The following RANBP3 variants were observed in gnomAD, a reference collection of about 807,000 sequenced individuals.
RANBP3 encodes ran-binding protein 3.
A neutral mutation model predicts 77.3 loss-of-function variants in RANBP3; 14 were observed. The observed-to-expected ratio is 0.18, with a 90% confidence interval of 0.12 to 0.28. The LOEUF (loss-of-function observed/expected upper bound fraction) is 0.28, where lower values mean the gene tolerates loss of function less well. Ranked by LOEUF, RANBP3 falls within the 10% of genes least tolerant of loss-of-function variation. RANBP3 has a pLI of 1.00. For missense variants in RANBP3, 586 were observed against 752.3 expected (o/e 0.78, Z 2.59); for synonymous variants, 315 against 312.4 (o/e 1.01, Z -0.09).
chr19:5,964,457 T>A (rs1310891459), intron 1 of RANBP3, among the ~76,000 whole-genome samples: 8 of 152,020 alleles, frequency 5.3e-5, no homozygotes, highest in African/African-American at 1.9e-4. Context: ...ATTCCACACA[T>A]CCCAGCACCC....
At chr19:5,929,729 T>C (rs767350921) in intron 8 of RANBP3, among the ~76,000 whole-genome samples, 1 of 152,160 alleles carries the variant, frequency 6.6e-6, no homozygotes. Flanking sequence ...GCCATGTTCA[T>C]GGGCGGCTTG....
At chr19:5,923,368 T>C (rs1418806317) in intron 12 of RANBP3, 65 bp from the exon 13 acceptor site, 37 of 1,497,232 alleles carry the variant, frequency 2.5e-5, no homozygotes, top group Non-Finnish European at 3.4e-5. Context: ...TCTCCCCTCA[T>C]CCGACAGGAG....
chr19:5,966,643 C>G (rs1275378503), intron 1 of RANBP3, among the ~76,000 whole-genome samples: 1 of 152,246 alleles, frequency 6.6e-6, no homozygotes, highest in Non-Finnish European at 1.5e-5. Context: ...ATGGCTGTCT[C>G]CAGCCTGTCA....
chr19:5,970,294 C>G (rs2058515169), intron 1 of RANBP3, among the ~76,000 whole-genome samples: 1 of 152,086 alleles, frequency 6.6e-6, no homozygotes, highest in Non-Finnish European at 1.5e-5. Flanking sequence ...GATTAGATGG[C>G]ACAAACCAGG....
intron 7 of RANBP3, 83 bp from the exon 8 acceptor site, chr19:5,931,614 C>T (rs1009178585): frequency 1.5e-4 from 227 of 1,471,502 alleles, no homozygotes; most frequent in African/African-American, 5.3e-4. Context: ...GGCTGGGCCA[C>T]GTCTAGTCTA....
chr19:5,937,850 A>C (rs2058086433), intron 5 of RANBP3, among the ~76,000 whole-genome samples: 1 of 152,180 alleles, frequency 6.6e-6, no homozygotes, highest in African/African-American at 2.4e-5. Flanking sequence ...AGCGATCATG[A>C]GATTTGTAAC....
At chr19:5,949,961 T>C (rs1194975462) in intron 3 of RANBP3, among the ~76,000 whole-genome samples, 1 of 152,218 alleles carries the variant, frequency 6.6e-6, no homozygotes, top group African/African-American at 2.4e-5. Flanking sequence ...GAGAGTCCTA[T>C]GTGGGCTGCA....
In RANBP3 at chr19:5,928,045, C is replaced by T. The variant is rs188627819; in HGVS notation, c.736G>A (p.Glu246Lys). Reference sequence around the variant, plus strand: ...GGGTCTTTTTTCTCACAGGCTTCCTCTTCAGAGGCATTGCTGGACTCATTT... The same window carrying T: ...GGGTCTTTTTTCTCACAGGCTTCCTTTTCAGAGGCATTGCTGGACTCATTT... ...QKNESSNASE[E>K]EACEKKDPAT... Residue 246 changes from glutamate (E) to lysine (K), a missense_variant, in exon 9 of 17, where the codon GAG becomes AAG. Coordinates refer to ENST00000340578, the MANE Select transcript of RANBP3 (RefSeq NM_007322.3). 3.1e-6 allele frequency: 5 copies of T among 1,613,938 alleles called. No individual in the cohort carries two copies. The highest frequency in any genetic ancestry group is 2.2e-5 in the East Asian group (1 of 44,878).
intron 3 of RANBP3, 138 bp from the exon 4 acceptor site, chr19:5,941,973 G>C: frequency 1.1e-6 from 1 of 943,568 alleles, no homozygotes; most frequent in South Asian, 1.4e-5. Context: ...ATGAGAGCCA[G>C]GATTTTAGCC....
At chr19:5,942,700 C>CA (rs11298054) in intron 3 of RANBP3, among the ~76,000 whole-genome samples, 13,240 of 90,750 alleles carry the variant, frequency 0.15, 1,007 homozygotes, top group Middle Eastern at 0.24. Flanking sequence ...GACTCTGTCT[C>CA]AAAAAAAAAA....
At chr19:5,920,658 C>T (rs964476911) in intron 14 of RANBP3, among the ~76,000 whole-genome samples, 1 of 152,178 alleles carries the variant, frequency 6.6e-6, no homozygotes, top group Non-Finnish European at 1.5e-5. Context: ...CGCAATTCTC[C>T]TGCCTCAGCC....
chr19:5,954,793 G>C (rs2058316330), intron 2 of RANBP3, among the ~76,000 whole-genome samples: 1 of 152,160 alleles, frequency 6.6e-6, no homozygotes. Flanking sequence ...CACTGCAGCT[G>C]CTCCCTGCAG....
chr19:5,946,048 T>G (rs1035006943), intron 3 of RANBP3, among the ~76,000 whole-genome samples: 1 of 152,040 alleles, frequency 6.6e-6, no homozygotes, highest in Non-Finnish European at 1.5e-5. Flanking sequence ...TTTCTGAACA[T>G]GTTGGCTGCT....
At chr19:5,937,821 G>A (rs1466218179) in intron 5 of RANBP3, among the ~76,000 whole-genome samples, 2 of 152,186 alleles carry the variant, frequency 1.3e-5, no homozygotes, top group Admixed American at 1.3e-4. Context: ...GAGGGAGGCC[G>A]TTGCTCACAG....
At chr19:5,919,200 G>A (rs2057785578) in intron 14 of RANBP3, among the ~76,000 whole-genome samples, 1 of 152,222 alleles carries the variant, frequency 6.6e-6, no homozygotes, top group South Asian at 2.1e-4. Context: ...GAGACGAGAG[G>A]ACTGTGGGCA....
At chr19:5,919,390 A>G (rs1041029200) in intron 14 of RANBP3, among the ~76,000 whole-genome samples, 1 of 152,166 alleles carries the variant, frequency 6.6e-6, no homozygotes, top group African/African-American at 2.4e-5. Flanking sequence ...GGCCCAGCGA[A>G]CAGACCTCCC....
In RANBP3 at chr19:5,923,919, A is replaced by G. The variant is rs762780511; in HGVS notation, c.997-5T>C. 2.8e-5 allele frequency: 45 copies of G among 1,609,378 alleles called. 1 individual carries two copies. In the South Asian group the frequency reaches 4.8e-4, roughly 17 times the overall value. On this transcript the variant is annotated splice_polypyrimidine_tract_variant and splice_region_variant and intron_variant, in intron 11 of 16. Transcript: ENST00000340578. ...CTCGTTTAATTTTGGGGGGCTCTGC[A>G]GGGACACAAAAGCATACAAGGAAGA...
chr19:5,964,874 G>C (rs1016136166), intron 1 of RANBP3, among the ~76,000 whole-genome samples: 6 of 145,528 alleles, frequency 4.1e-5, no homozygotes, highest in Admixed American at 1.4e-4. Context: ...TGGCACGGTG[G>C]GGGGTCACCT....
chr19:5,953,140 G>A (rs373414356), intron 2 of RANBP3, among the ~76,000 whole-genome samples: 3 of 152,172 alleles, frequency 2.0e-5, no homozygotes, highest in Non-Finnish European at 4.4e-5. Flanking sequence ...GATCAAATTC[G>A]TCATCTTTGG....
Sources: gnomAD v4.1 joint callset for allele counts (sites outside exome capture counted in the v4.1 genomes callset) on GRCh38, gnomAD v4.1.1 for gene constraint, MANE v1.5 for transcripts, NCBI Gene and HGNC (gene_info 2026-07-23, HGNC 2026-07-21) for gene names.